Variants in SCHIP1 observed in about 807,000 individuals in gnomAD.
SCHIP1 encodes schwannomin-interacting protein 1.
A neutral mutation model predicts 29.7 loss-of-function variants in SCHIP1; 8 were observed. The ratio of observed to expected loss-of-function variants is 0.27; its 90% CI spans 0.16 to 0.49. SCHIP1 has a LOEUF of 0.49. SCHIP1 is among the 20% of genes least tolerant of loss of function. The pLI is 0.99. For synonymous variants in SCHIP1, 76 were observed against 94.9 expected, an observed-to-expected ratio of 0.80 and a Z score of 1.16; for missense variants, 193 against 294.6, an observed-to-expected ratio of 0.66 and a Z score of 2.52.
At chr3:159,589,901 A>G in the SCHIP1 span, among the ~76,000 whole-genome samples, 2 of 152,230 alleles carry the variant, frequency 1.3e-5, no homozygotes, top group African/African-American at 2.4e-5. Context: ...TGAGAAAGGA[A>G]GAAAATGAAG....
chr3:159,839,103 C>G (rs1229307206), upstream of SCHIP1, among the ~76,000 whole-genome samples: 1 of 151,868 alleles, frequency 6.6e-6, no homozygotes, highest in Non-Finnish European at 1.5e-5. Context: ...CAGAAACTGG[C>G]CCCAGTTTTT....
At chr3:159,501,121 T>G in the SCHIP1 span, among the ~76,000 whole-genome samples, 1 of 152,198 alleles carries the variant, frequency 6.6e-6, no homozygotes, top group Non-Finnish European at 1.5e-5. Context: ...AAAGTGATAT[T>G]TTACACTTGA....
At chr3:159,743,519 A>G in the SCHIP1 span, among the ~76,000 whole-genome samples, 9 of 152,246 alleles carry the variant, frequency 5.9e-5, no homozygotes, top group Non-Finnish European at 1.3e-4. Flanking sequence ...ATATGCTTGA[A>G]ATGGCAAAAT....
the SCHIP1 span, among the ~76,000 whole-genome samples, chr3:159,402,644 A>T: frequency 6.6e-6 from 1 of 152,176 alleles, no homozygotes; most frequent in Non-Finnish European, 1.5e-5. Context: ...ACATGGATGA[A>T]ACTGGAAACC....
Position 159,842,997 on chromosome 3 carries a change from C to CTTTTTTTTTTTTTTTTTT in SCHIP1, c.30+2786_30+2787insTTTTTTTTTTTTTTTTTT, listed in dbSNP as rs1440922016. Reference sequence around the variant, plus strand: ...GCTCTCCAGTTCTATCCCAATATTTCTTTCTTTTTTTTTTTTTTTTTTTTT... The same window carrying CTTTTTTTTTTTTTTTTTT: ...GCTCTCCAGTTCTATCCCAATATTTCTTTTTTTTTTTTTTTTTTTTTCTTTTTTTTTTTTTTTTTTTTT... On this transcript the variant is annotated intron_variant, in intron 1 of 6. Transcript: ENST00000445224. Among the ~76,000 whole-genome samples, 191 of 61,678 alleles carry CTTTTTTTTTTTTTTTTTT rather than the reference C, an allele frequency of 3.1e-3. 37 individuals are homozygous for CTTTTTTTTTTTTTTTTTT. The highest frequency in any genetic ancestry group is 9.1e-3 in the East Asian group (22 of 2,428). 40.5% of individuals were successfully genotyped at this position (61,678 alleles called of 152,430 possible).
At chr3:159,798,690 G>A in the SCHIP1 span, among the ~76,000 whole-genome samples, 1 of 152,014 alleles carries the variant, frequency 6.6e-6, no homozygotes, top group African/African-American at 2.4e-5. Flanking sequence ...CCCAGGAGGC[G>A]GAGGTTGCAG....
the SCHIP1 span, among the ~76,000 whole-genome samples, chr3:159,617,714 C>T: frequency 1.3e-5 from 2 of 151,884 alleles, no homozygotes; most frequent in Non-Finnish European, 2.9e-5. Flanking sequence ...CATTTACTAC[C>T]CCCCCTAGGA....
chr3:159,585,969 A>AATGG, the SCHIP1 span, among the ~76,000 whole-genome samples: 80 of 152,062 alleles, frequency 5.3e-4, no homozygotes, highest in African/African-American at 1.5e-3. Context: ...TGGATGGATG[A>AATGG]ATGGATGGAT....
the SCHIP1 span, among the ~76,000 whole-genome samples, chr3:159,621,197 A>C: frequency 6.6e-6 from 1 of 152,194 alleles, no homozygotes; most frequent in Non-Finnish European, 1.5e-5. Context: ...GGATGCAGAA[A>C]GCTGGGAAGA....
chr3:159,424,383 T>C, the SCHIP1 span, among the ~76,000 whole-genome samples: 5 of 152,054 alleles, frequency 3.3e-5, no homozygotes, highest in Admixed American at 6.6e-5. Context: ...TCGAGAACTA[T>C]GTGAAGAATG....
the SCHIP1 span, among the ~76,000 whole-genome samples, chr3:159,485,787 TTGA>T: frequency 6.6e-6 from 1 of 152,206 alleles, no homozygotes; most frequent in East Asian, 1.9e-4. Flanking sequence ...TAGTAGGGAC[TTGA>T]TAAATGGCAG....
chr3:159,324,555 G>C, the SCHIP1 span, among the ~76,000 whole-genome samples: 1 of 151,916 alleles, frequency 6.6e-6, no homozygotes, highest in South Asian at 2.1e-4. Flanking sequence ...ATTTTTAAGT[G>C]CTCCCAGGCC....
At chr3:159,379,137 G>C in the SCHIP1 span, among the ~76,000 whole-genome samples, 4 of 151,938 alleles carry the variant, frequency 2.6e-5, no homozygotes, top group African/African-American at 9.7e-5. Flanking sequence ...AGCCTGTGGT[G>C]GCTTTTTAAC....
Position 159,890,264 on chromosome 3 carries a change from C to T in SCHIP1, c.589+1321C>T, listed in dbSNP as rs553584198. Among the ~76,000 whole-genome samples the T allele has an allele frequency of 1.8e-3, 277 of 152,206 alleles. 1 individual carries two copies. Among genetic ancestry groups the T allele is most frequent in the African/African-American group, 6.4e-3 (264 of 41,510 alleles). On this transcript the variant is annotated intron_variant, in intron 5 of 6. Transcript: ENST00000445224. ...GGCCATGAGTTGATAATTGTTGAAG[C>T]TAGTTGGATACATGGAAATTCATTA...
At chr3:159,717,519 T>C in the SCHIP1 span, among the ~76,000 whole-genome samples, 1 of 151,824 alleles carries the variant, frequency 6.6e-6, no homozygotes. Flanking sequence ...AAGAATCAAA[T>C]AGGCACAATA....
At chr3:159,819,124 C>A in the SCHIP1 span, among the ~76,000 whole-genome samples, 2 of 152,198 alleles carry the variant, frequency 1.3e-5, no homozygotes, top group African/African-American at 4.8e-5. Context: ...GAGGCTGGAG[C>A]CCTCAATTCC....
the SCHIP1 span, chr3:159,764,539 C>T: frequency 1.3e-6 from 2 of 1,591,700 alleles, no homozygotes; most frequent in Non-Finnish European, 1.7e-6. This position sits in a 1 kb window ranked among gnomAD's most constrained non-coding sequence, Gnocchi z 6.1. Context: ...CAAAGTGACC[C>T]CTTGCTCCGA....
chr3:159,517,258 TG>T, the SCHIP1 span, among the ~76,000 whole-genome samples: 2 of 152,214 alleles, frequency 1.3e-5, no homozygotes, highest in African/African-American at 2.4e-5. Flanking sequence ...AAACTCTTTT[TG>T]TCAGACAAAA....
chr3:159,677,450 A>G, the SCHIP1 span, among the ~76,000 whole-genome samples: 1 of 150,496 alleles, frequency 6.6e-6, no homozygotes, highest in South Asian at 2.1e-4. Flanking sequence ...GCAGGCTGAG[A>G]ATCAGGAAGC....
Sources: allele counts gnomAD v4.1 joint callset (sites outside exome capture counted in the v4.1 genomes callset), GRCh38; gene constraint gnomAD v4.1.1; non-coding constraint Gnocchi (gnomAD v3.1); transcripts MANE v1.5; gene names NCBI Gene and HGNC (gene_info 2026-07-23, HGNC 2026-07-21).